The following GRXCR1 variants were observed in gnomAD, a reference collection of about 807,000 sequenced individuals.
GRXCR1 encodes the protein glutaredoxin and cysteine rich domain containing 1.
GRXCR1 carries 27 observed loss-of-function variants against 27.3 expected under a neutral mutation model. That is an observed-to-expected ratio of 0.99 (90% CI 0.73 to 1.37). GRXCR1 has a LOEUF of 1.37. GRXCR1 is among the 40% of genes most tolerant of loss of function. GRXCR1 has a pLI of 0.00. For synonymous variants in GRXCR1, 122 were observed against 131.1 expected, an observed-to-expected ratio of 0.93 and a Z score of 0.47; for missense variants, 379 against 354.4, an observed-to-expected ratio of 1.07 and a Z score of -0.56.
chr4:42,935,443 G>A (rs930597258), intron 1 of GRXCR1, among the ~76,000 whole-genome samples: 1 of 151,848 alleles, frequency 6.6e-6, no homozygotes. Context: ...AATGATTAGG[G>A]TCTGGACAAA....
intron 2 of GRXCR1, among the ~76,000 whole-genome samples, chr4:43,011,816 G>T (rs1712759768): frequency 6.6e-6 from 1 of 152,136 alleles, no homozygotes; most frequent in South Asian, 2.1e-4. Context: ...CTTGATGACA[G>T]CTGGGGATGA....
At chr4:42,953,863 A>C (rs1050579929) in intron 1 of GRXCR1, among the ~76,000 whole-genome samples, 4 of 152,072 alleles carry the variant, frequency 2.6e-5, no homozygotes, top group Non-Finnish European at 1.5e-5. Flanking sequence ...TCTTCCTAAT[A>C]AGGGTTTTTC....
intron 2 of GRXCR1, among the ~76,000 whole-genome samples, chr4:42,985,488 A>G (rs1028773266): frequency 6.6e-6 from 1 of 152,158 alleles, no homozygotes; most frequent in East Asian, 1.9e-4. Context: ...TTTAATAAGC[A>G]TCTATTTCTA....
chr4:42,935,572 C>T (rs867539858), intron 1 of GRXCR1, among the ~76,000 whole-genome samples: 3 of 151,514 alleles, frequency 2.0e-5, no homozygotes, highest in African/African-American at 4.8e-5. Flanking sequence ...ATGTCTTAGG[C>T]GAGTAAGAAA....
At chr4:42,904,519 G>T (rs1382348203) in intron 1 of GRXCR1, among the ~76,000 whole-genome samples, 1 of 152,156 alleles carries the variant, frequency 6.6e-6, no homozygotes, top group African/African-American at 2.4e-5. Flanking sequence ...CCTGGTTTCA[G>T]ATGCAGTCTA....
Position 42,906,329 on chromosome 4 carries a change from A to G in GRXCR1, c.384+12679A>G, listed in dbSNP as rs529691050. On this transcript the variant is annotated intron_variant, in intron 1 of 3. Transcript: ENST00000399770. ...GCACCATAGTTCACCCAAGCTGGGCAGTCTAAAACAGAAAGAAACTTCCCA... is the reference window on the plus strand; with the variant it reads ...GCACCATAGTTCACCCAAGCTGGGCGGTCTAAAACAGAAAGAAACTTCCCA... Among the ~76,000 whole-genome samples the G allele has an allele frequency of 9.2e-5, 14 of 152,322 alleles. No individual in the cohort carries two copies. In the South Asian group the frequency reaches 2.5e-3, roughly 27 times the overall value.
At chr4:42,896,830 T>C (rs1461458538) in intron 1 of GRXCR1, among the ~76,000 whole-genome samples, 1 of 152,144 alleles carries the variant, frequency 6.6e-6, no homozygotes, top group Non-Finnish European at 1.5e-5. Flanking sequence ...TATTCATTCT[T>C]TTGATCAGGT....
At chr4:42,978,251 A>T (rs1460347736) in intron 2 of GRXCR1, among the ~76,000 whole-genome samples, 1 of 152,048 alleles carries the variant, frequency 6.6e-6, no homozygotes, top group African/African-American at 2.4e-5. Flanking sequence ...TGATGCCTCT[A>T]GCTTTCTTCT....
At chr4:42,903,997 G>T (rs1302630994) in intron 1 of GRXCR1, among the ~76,000 whole-genome samples, 1 of 152,118 alleles carries the variant, frequency 6.6e-6, no homozygotes, top group Non-Finnish European at 1.5e-5. Context: ...AACATAATTC[G>T]CCTTGATGTT....
chr4:43,015,818 T>A (rs1324532782), intron 2 of GRXCR1, among the ~76,000 whole-genome samples: 1 of 151,588 alleles, frequency 6.6e-6, no homozygotes, highest in Non-Finnish European at 1.5e-5. Context: ...TATAAATATA[T>A]GTGTATATAT....
intron 1 of GRXCR1, among the ~76,000 whole-genome samples, chr4:42,956,413 A>G (rs1481455679): frequency 1.3e-5 from 2 of 151,644 alleles, no homozygotes; most frequent in Non-Finnish European, 2.9e-5. Flanking sequence ...TGACAAATCT[A>G]TTGAGGGAAG....
chr4:42,993,702 T>A lies in GRXCR1; in HGVS notation c.628-26652T>A, dbSNP rs551059784. Among the ~76,000 whole-genome samples, 12 of 152,284 alleles carry A rather than the reference T, an allele frequency of 7.9e-5. No individual in the cohort carries two copies. The South Asian group carries it at 2.5e-3, about 32-fold the overall frequency. On this transcript the variant is annotated intron_variant, in intron 2 of 3. Transcript: ENST00000399770. The stretch of plus-strand genomic sequence containing the variant: ...AAGCGTAATCGGGTTGTATGAGTAC[T>A]TGAAGTATGGTTTCTACTAAATGTG...
chr4:42,989,679 G>T (rs369378591), intron 2 of GRXCR1, among the ~76,000 whole-genome samples: 2 of 152,252 alleles, frequency 1.3e-5, no homozygotes, highest in East Asian at 3.9e-4. Flanking sequence ...ATACACAGAA[G>T]GGTCACATTA....
At chr4:42,942,771 A>G (rs189950660) in intron 1 of GRXCR1, among the ~76,000 whole-genome samples, 37 of 152,224 alleles carry the variant, frequency 2.4e-4, no homozygotes, top group African/African-American at 7.9e-4. Flanking sequence ...GAATTTCAGA[A>G]TATTTAATTT....
rs1451408198 is a variant in GRXCR1 at position 42,894,979 on chromosome 4, C to T, written c.384+1329C>T. ...ACTTAGTTTGTTATTATTTGAATTG[C>T]CTTATGATTTGGAGGGTTGTTTACA... On this transcript the variant is annotated intron_variant, in intron 1 of 3. Transcript: ENST00000399770. 3.9e-5 allele frequency among the ~76,000 whole-genome samples: 6 copies of T among 152,080 alleles called. No homozygotes were observed. In the South Asian group the frequency reaches 8.3e-4, roughly 21 times the overall value.
chr4:42,904,828 G>C (rs1245144470), intron 1 of GRXCR1, among the ~76,000 whole-genome samples: 1 of 152,092 alleles, frequency 6.6e-6, no homozygotes, highest in East Asian at 1.9e-4. Flanking sequence ...TCTTTCTTAT[G>C]AGATACACAA....
At chr4:42,982,631 A>G (rs1212257597) in intron 2 of GRXCR1, among the ~76,000 whole-genome samples, 11 of 126,636 alleles carry the variant, frequency 8.7e-5, no homozygotes, top group Non-Finnish European at 1.9e-4. Context: ...GAATCGCCAC[A>G]CTGACTTCCA....
chr4:42,906,038 C>T (rs1473309666), intron 1 of GRXCR1, among the ~76,000 whole-genome samples: 1 of 152,130 alleles, frequency 6.6e-6, no homozygotes, highest in African/African-American at 2.4e-5. Context: ...GAACTGTGTA[C>T]ATTTTTTCTG....
At chr4:42,957,458 A>G (rs1236560609) in intron 1 of GRXCR1, among the ~76,000 whole-genome samples, 1 of 151,960 alleles carries the variant, frequency 6.6e-6, no homozygotes, top group African/African-American at 2.4e-5. Flanking sequence ...TAATATTGCT[A>G]TCTTTCTTTA....
Sources: allele counts gnomAD v4.1 joint callset (sites outside exome capture counted in the v4.1 genomes callset), GRCh38; gene constraint gnomAD v4.1.1; transcripts MANE v1.5; gene names NCBI Gene and HGNC (gene_info 2026-07-23, HGNC 2026-07-21).